The following KIF3A variants were observed in gnomAD, a reference collection of about 807,000 sequenced individuals.
KIF3A encodes kinesin family member 3A.
Under a neutral mutation model 92.6 loss-of-function variants are expected in KIF3A, and 27 were observed. The ratio of observed to expected loss-of-function variants is 0.29; its 90% CI spans 0.21 to 0.40. The LOEUF (loss-of-function observed/expected upper bound fraction) is 0.40. Among genes scored for constraint, KIF3A ranks in the 10% least tolerant of loss-of-function variants. The pLI is 1.00. For synonymous variants in KIF3A, 250 were observed against 275.4 expected, an observed-to-expected ratio of 0.91 and a Z score of 0.92; for missense variants, 581 against 872.6, an observed-to-expected ratio of 0.67 and a Z score of 4.21.
chr5:132,733,631 G>A (rs985024277), intron 2 of KIF3A, among the ~76,000 whole-genome samples: 4 of 152,172 alleles, frequency 2.6e-5, no homozygotes, highest in Non-Finnish European at 5.9e-5. Flanking sequence ...GCCAGGTGTG[G>A]TGGCGCACAG....
chr5:132,735,520 C>T (rs60168940), intron 1 of KIF3A, among the ~76,000 whole-genome samples: 47,999 of 152,076 alleles, frequency 0.32, 10,472 homozygotes, highest in East Asian at 0.75. Flanking sequence ...AAATATGAGT[C>T]ATTGTCATTG....
At chr5:132,711,589 CAA>C (rs56387903) in intron 8 of KIF3A, among the ~76,000 whole-genome samples, 6 of 148,238 alleles carry the variant, frequency 4.0e-5, no homozygotes, top group Non-Finnish European at 4.5e-5. Context: ...GACTCTGTCT[CAA>C]AAAAAAAAAT....
At position 132,710,971 on chromosome 5, in the gene KIF3A, T is replaced by C. The variant is rs769660919; in HGVS notation, c.1216A>G (p.Lys406Glu). The part of the protein sequence containing the change: ...GEVGEDGEKR[K>E]KRRGSSSSSS... ...AAACAGAACTTACCCCTTCTTTTTTTCCTTTTCTCTCCATCTTCTCCAACC... is the reference window on the plus strand; with the variant it reads ...AAACAGAACTTACCCCTTCTTTTTTCCCTTTTCTCTCCATCTTCTCCAACC... Residue 406 changes from lysine to glutamate, a missense_variant, in exon 9 of 19, where the codon AAA becomes GAA. Physicochemically the swap from Lys to Glu is moderately conservative, Grantham distance 56. Around this residue, in one of 5 missense-constraint regions of KIF3A, gnomAD observed 167 missense variants for 205.8 expected, o/e 0.81. Coordinates refer to ENST00000403231, the MANE Select transcript of KIF3A (RefSeq NM_001300791.2). The C allele has an allele frequency of 3.7e-6, 6 of 1,613,682 alleles. No homozygotes were observed. The highest frequency in any genetic ancestry group is 5.1e-6 in the Non-Finnish European group (6 of 1,179,650).
At chr5:132,736,329 T>C (rs1202653862) in intron 1 of KIF3A, among the ~76,000 whole-genome samples, 2 of 152,184 alleles carry the variant, frequency 1.3e-5, no homozygotes, top group African/African-American at 4.8e-5. Context: ...GGAAAAAAAA[T>C]GACCTGTTAT....
At chr5:132,690,403 C>A (rs1752633153), downstream of KIF3A, among the ~76,000 whole-genome samples, 1 of 151,614 alleles carries the variant, frequency 6.6e-6, no homozygotes, top group Non-Finnish European at 1.5e-5. Flanking sequence ...AAAACAAAGT[C>A]ATTTGAGACA....
intron 10 of KIF3A, among the ~76,000 whole-genome samples, chr5:132,707,660 T>C (rs1006181148): frequency 2.0e-5 from 3 of 152,130 alleles, no homozygotes; most frequent in African/African-American, 4.8e-5. Flanking sequence ...TGCCTACAAA[T>C]TGTCAATAGA....
chr5:132,722,321 G>C (rs1057051609), intron 4 of KIF3A, among the ~76,000 whole-genome samples: 1 of 152,106 alleles, frequency 6.6e-6, no homozygotes, highest in African/African-American at 2.4e-5. Context: ...TGCTACCAAA[G>C]AATTTTTATC....
intron 2 of KIF3A, 43 bp from the exon 3 acceptor site, chr5:132,726,541 G>A: frequency 6.5e-7 from 1 of 1,541,710 alleles, no homozygotes; most frequent in Non-Finnish European, 8.9e-7. Flanking sequence ...AAAGTCTAAT[G>A]CTACAGAACA....
chr5:132,730,870 C>A (rs915609518), intron 2 of KIF3A, among the ~76,000 whole-genome samples: 13 of 152,018 alleles, frequency 8.6e-5, no homozygotes, highest in African/African-American at 2.9e-4. Flanking sequence ...ACTGGGGAGG[C>A]TGAGGTGGGA....
intron 4 of KIF3A, 130 bp from the exon 5 acceptor site, chr5:132,720,844 G>A (rs920326267): frequency 9.4e-6 from 5 of 529,380 alleles, no homozygotes; most frequent in East Asian, 5.9e-5. Flanking sequence ...GTTCCTACAC[G>A]CATGGAGATG....
chr5:132,731,034 T>C lies in KIF3A; in HGVS notation c.280+3171A>G, dbSNP rs569527698. ...ATGTCTATTAAAGAAATTGAATCAA[T>C]AGTTGAAAACCTTCCCACAAAGAAA... On this transcript the variant is annotated intron_variant, in intron 2 of 18. Transcript: ENST00000403231. Among the ~76,000 whole-genome samples, 7 of 152,282 alleles carry C rather than the reference T, an allele frequency of 4.6e-5. No individual in the cohort carries two copies. The East Asian group carries it at 5.8e-4, about 13-fold the overall frequency.
intron 2 of KIF3A, among the ~76,000 whole-genome samples, chr5:132,732,866 G>A (rs1196650421): frequency 6.6e-6 from 1 of 150,876 alleles, no homozygotes; most frequent in African/African-American, 2.4e-5. Context: ...CCAAGATCAC[G>A]CCACTGCAAT....
At chr5:132,698,103 T>C (rs1186096053) in intron 18 of KIF3A, 1 of 152,180 alleles carries the variant, frequency 6.6e-6, no homozygotes, top group Non-Finnish European at 1.5e-5. Flanking sequence ...TGCCCAACCC[T>C]GAGTTCAACC....
intron 5 of KIF3A, among the ~76,000 whole-genome samples, chr5:132,717,636 T>TAAA (rs577412461): frequency 2.7e-5 from 4 of 145,734 alleles, no homozygotes; most frequent in African/African-American, 7.5e-5. Flanking sequence ...CCTACTTCTG[T>TAAA]AAAAAAAAAA....
chr5:132,706,168 G>C (rs997763746), intron 11 of KIF3A, among the ~76,000 whole-genome samples: 5 of 151,984 alleles, frequency 3.3e-5, no homozygotes, highest in African/African-American at 1.2e-4. Context: ...GGCATAACCA[G>C]GTATTTGATT....
At chr5:132,732,691 C>G (rs1027458340) in intron 2 of KIF3A, among the ~76,000 whole-genome samples, 1 of 152,144 alleles carries the variant, frequency 6.6e-6, no homozygotes, top group African/African-American at 2.4e-5. Flanking sequence ...AGGCGGATCA[C>G]AAGGTCAGGA....
Position 132,708,950 on chromosome 5 carries a change from G to A in KIF3A, c.1257C>T (p.Ser419=). The part of the protein sequence containing the change: ...RGSSSSSSSD[S]TCSVIEKPLD... ...GAGGTTTCTCTATGACAGAACATGTGGAGTCTGAACTACTGCTGCTGCTAC... is the reference window on the plus strand; with the variant it reads ...GAGGTTTCTCTATGACAGAACATGTAGAGTCTGAACTACTGCTGCTGCTAC... Residue 419 remains serine, a synonymous_variant, in exon 10 of 19, where the codon TCC becomes TCT. Transcript: ENST00000403231. The A allele has an allele frequency of 3.2e-6, 5 of 1,550,264 alleles. No individual in the cohort carries two copies. Among genetic ancestry groups the A allele is most frequent in the Non-Finnish European group, 4.4e-6 (5 of 1,146,838 alleles).
intron 8 of KIF3A, among the ~76,000 whole-genome samples, chr5:132,714,915 G>A (rs1208532781): frequency 6.6e-6 from 1 of 152,106 alleles, no homozygotes; most frequent in Non-Finnish European, 1.5e-5. Context: ...CCACCTAGTG[G>A]TCACATTTAA....
chr5:132,691,607 A>G (rs1752666433), downstream of KIF3A, among the ~76,000 whole-genome samples: 1 of 151,876 alleles, frequency 6.6e-6, no homozygotes, highest in Non-Finnish European at 1.5e-5. Flanking sequence ...AAGCACATTT[A>G]AAAACATTTC....
Sources: allele counts gnomAD v4.1 joint callset (sites outside exome capture counted in the v4.1 genomes callset), GRCh38; gene constraint gnomAD v4.1.1; regional missense constraint gnomAD v4.1.1; transcripts MANE v1.5; gene names NCBI Gene and HGNC (gene_info 2026-07-23, HGNC 2026-07-21).